Variants in ADGRB1 observed in about 807,000 individuals in gnomAD.
The protein encoded by ADGRB1 is brain-specific angiogenesis inhibitor 1.
Under a neutral mutation model 175.7 loss-of-function variants are expected in ADGRB1, and 36 were observed. The observed-to-expected ratio is 0.20, with a 90% confidence interval of 0.16 to 0.27. ADGRB1 has a LOEUF of 0.27. ADGRB1 is among the 10% of genes least tolerant of loss of function. The pLI, the probability that ADGRB1 is intolerant of heterozygous loss-of-function variation, is 1.00. For synonymous variants in ADGRB1, 1,054 were observed against 979.4 expected, an observed-to-expected ratio of 1.08 and a Z score of -1.42; for missense variants, 1,731 against 2,255.3, an observed-to-expected ratio of 0.77 and a Z score of 4.71.
Position 142,544,340 on chromosome 8 carries a change from A to G in ADGRB1, c.4678A>G (p.Ser1560Gly), listed in dbSNP as rs759266975. Residue 1560 changes from serine to glycine, a missense_variant, in exon 31 of 31, where the codon AGC becomes GGC. Around this residue, in one of 8 missense-constraint regions of ADGRB1, gnomAD observed 394 missense variants for 410.2 expected, o/e 0.96. Transcript: ENST00000517894. ...PLQPSPLELR[S>G]VEWERSGATI... ...GCAGCCGTCGCCGCTGGAGCTTCGC[A>G]GCGTGGAGTGGGAGAGGTCGGGCGC... is the stretch of plus-strand genomic sequence containing the variant. The G allele has an allele frequency of 4.0e-5, 62 of 1,547,598 alleles. No homozygotes were observed. The South Asian group carries it at 7.3e-4, about 18-fold the overall frequency.
chr8:142,505,794 C>T (rs745593110), intron 17 of ADGRB1, among the ~76,000 whole-genome samples: 2 of 152,122 alleles, frequency 1.3e-5, no homozygotes, highest in South Asian at 2.1e-4. Flanking sequence ...GGGCAAGGGG[C>T]GGCGGCCACA....
At chr8:142,498,329 A>G (rs1842323705) in intron 17 of ADGRB1, among the ~76,000 whole-genome samples, 1 of 152,148 alleles carries the variant, frequency 6.6e-6, no homozygotes, top group African/African-American at 2.4e-5. Context: ...TTGTTCAGGG[A>G]GTCTGAGTGT....
At chr8:142,518,056 G>A in intron 18 of ADGRB1, 82 bp from the exon 19 acceptor site, 1 of 1,350,784 alleles carries the variant, frequency 7.4e-7, no homozygotes, top group South Asian at 1.2e-5. Context: ...GGGGCTGCGG[G>A]CTCTCGGGTC....
In ADGRB1 at chr8:142,543,201, C is replaced by G. The variant is rs1262732789; in HGVS notation, c.4414-202C>G. 6.6e-6 allele frequency among the ~76,000 whole-genome samples: 1 copy of G among 152,182 alleles called. No individual in the cohort carries two copies. The highest frequency in any genetic ancestry group is 6.5e-5 in the Admixed American group (1 of 15,286). ...AGGCGAGCCGGACACCCCAGCCCAGCCTTGGTGCTGCTCGCTGGCACCCAG... is the reference window on the plus strand; with the variant it reads ...AGGCGAGCCGGACACCCCAGCCCAGGCTTGGTGCTGCTCGCTGGCACCCAG... On this transcript the variant is annotated intron_variant, in intron 28 of 30. Transcript: ENST00000517894. The surrounding 1 kb of genome is among the most constrained non-coding windows in gnomAD (Gnocchi z 4.4).
rs1301631859 is a variant in ADGRB1 at position 142,484,715 on chromosome 8, C to T, written c.2259C>T (p.Gly753=). Residue 753 remains glycine (G), a synonymous_variant, in exon 13 of 31, where the codon GGC becomes GGT. Coordinates refer to ENST00000517894, the MANE Select transcript of ADGRB1 (RefSeq NM_001702.3). The part of the protein sequence containing the change: ...RLVEDFVDVI[G]FRMKDLRDAY... ...TGGAGGACTTTGTGGACGTCATCGG[C>T]TTCCGCATGAAGGACCTGAGGGATG... 2 of 1,612,192 alleles carry T rather than the reference C, an allele frequency of 1.2e-6. No individual in the cohort carries two copies. The highest frequency in any genetic ancestry group is 4.5e-5 in the East Asian group (2 of 44,836).
intron 17 of ADGRB1, among the ~76,000 whole-genome samples, chr8:142,509,964 G>C (rs1299826495): frequency 6.6e-6 from 1 of 152,200 alleles, no homozygotes; most frequent in Non-Finnish European, 1.5e-5. Context: ...AGGAAGGCAG[G>C]CCCGGCTCCA....
chr8:142,516,239 G>GTGTGCGGGCCCCAGGTGCGTGCGTC (rs1263520149), intron 18 of ADGRB1, among the ~76,000 whole-genome samples: 15 of 146,902 alleles, frequency 1.0e-4, no homozygotes, highest in Non-Finnish European at 2.1e-4. Context: ...GTGTGTGTGC[G>GTGTGCGGGCCCCAGGTGCGTGCGTC]TGTGCGGGCC....
chr8:142,544,386 A>G lies in ADGRB1; in HGVS notation c.4724A>G (p.Gln1575Arg). 1 of 1,520,056 alleles carries G rather than the reference A, an allele frequency of 6.6e-7. No individual in the cohort carries two copies. The highest frequency in any genetic ancestry group is 8.8e-7 in the Non-Finnish European group (1 of 1,131,402). 94.2% of individuals were successfully genotyped at this position (1,520,056 alleles called of 1,614,324 possible). A position where few individuals can be genotyped will look rare whatever the true frequency, so the allele number is the denominator to read the frequency against. ...GGCGCCACGATCCCGCTGGTGGGCCAGGACATCATCGACCTCCAGACCGAG... is the reference window on the plus strand; with the variant it reads ...GGCGCCACGATCCCGCTGGTGGGCCGGGACATCATCGACCTCCAGACCGAG... ...RSGATIPLVGQDIIDLQTEV is the reference protein window; with the variant it reads ...RSGATIPLVGRDIIDLQTEV Residue 1575 changes from glutamine (Q) to arginine (R), a missense_variant, in exon 31 of 31, where the codon CAG becomes CGG. Gln to Arg is a conservative substitution (Grantham distance 43). Coordinates refer to ENST00000517894, the MANE Select transcript of ADGRB1 (RefSeq NM_001702.3).
chr8:142,476,895 C>T (rs570624237), intron 4 of ADGRB1, among the ~76,000 whole-genome samples, 200 bp downstream of exon 4: 162 of 152,320 alleles, frequency 1.1e-3, no homozygotes, highest in Non-Finnish European at 1.9e-3. Context: ...TGGCCAGACC[C>T]CAGAGGCCCA....
In ADGRB1 at chr8:142,542,758, T is replaced by A; in HGVS notation, c.4413+111T>A. 1 of 1,025,316 alleles carries A rather than the reference T, an allele frequency of 9.8e-7. No homozygotes were observed. 63.5% of individuals were successfully genotyped at this position (1,025,316 alleles called of 1,614,324 possible). On this transcript the variant is annotated intron_variant, in intron 28 of 30. Transcript: ENST00000517894. This position sits in a 1 kb window ranked among gnomAD's most constrained non-coding sequence, Gnocchi z 6.3. ...CGCCGTCAGCGGGGCGGGCTGGCTC[T>A]GCCTCCTAGCTACACCCCCCACCCC...
intron 13 of ADGRB1, among the ~76,000 whole-genome samples, chr8:142,487,714 G>A (rs1428807665): frequency 1.3e-5 from 2 of 152,110 alleles, no homozygotes; most frequent in South Asian, 2.1e-4. Flanking sequence ...CTGCTGCCTC[G>A]TCCCCACGTC....
At chr8:142,520,046 A>G in intron 19 of ADGRB1, among the ~76,000 whole-genome samples, 1 of 138,326 alleles carries the variant, frequency 7.2e-6, no homozygotes, top group Non-Finnish European at 1.5e-5. Context: ...GGTGGTAGTG[A>G]TTGTGATGGT....
intron 16 of ADGRB1, 50 bp from the exon 17 acceptor site, chr8:142,490,722 G>C (rs1351123468): frequency 1.3e-6 from 2 of 1,546,078 alleles, no homozygotes; most frequent in South Asian, 1.2e-5. Flanking sequence ...CCGAGGGTGG[G>C]GGCTGGTCCT....
chr8:142,453,134 G>A (rs916705062), intron 1 of ADGRB1, among the ~76,000 whole-genome samples: 1 of 148,452 alleles, frequency 6.7e-6, no homozygotes, highest in African/African-American at 2.5e-5. Context: ...GGCCCGGCCC[G>A]GTCCCCGTGT....
Position 142,510,016 on chromosome 8 carries a change from G to A in ADGRB1, c.2676-916G>A, listed in dbSNP as rs1842997190. On this transcript the variant is annotated intron_variant, in intron 17 of 30. Coordinates refer to ENST00000517894, the MANE Select transcript of ADGRB1 (RefSeq NM_001702.3). The surrounding 1 kb of genome is among the most constrained non-coding windows in gnomAD (Gnocchi z 6.3). The stretch of plus-strand genomic sequence containing the variant: ...GGAGGGACACGGTGGCTTCCGGACA[G>A]GAGGGCTGCCTTGAAGGGTGGGGGA... 6.6e-6 allele frequency among the ~76,000 whole-genome samples: 1 copy of A among 152,152 alleles called. No individual in the cohort carries two copies. Among genetic ancestry groups the A allele is most frequent in the African/African-American group, 2.4e-5 (1 of 41,432 alleles).
intron 17 of ADGRB1, among the ~76,000 whole-genome samples, chr8:142,508,077 C>A (rs1587371434): frequency 6.6e-6 from 1 of 152,216 alleles, no homozygotes; most frequent in East Asian, 1.9e-4. Context: ...GCTGCATGCC[C>A]CCTCCCACCC....
At chr8:142,522,848 C>A in intron 22 of ADGRB1, 138 bp downstream of exon 22, 1 of 1,031,480 alleles carries the variant, frequency 9.7e-7, no homozygotes, top group Non-Finnish European at 1.3e-6. Context: ...GAGGGTGGGG[C>A]CCCAGGGGCT....
At chr8:142,481,103 C>T (rs746083744) in intron 9 of ADGRB1, 151 bp from the exon 10 acceptor site, 32 of 676,368 alleles carry the variant, frequency 4.7e-5, no homozygotes, top group Non-Finnish European at 7.6e-5. Flanking sequence ...GAGGTCCCTG[C>T]GTGGACTCTG....
At chr8:142,475,442 G>A in intron 2 of ADGRB1, 32 bp from the exon 3 acceptor site, 1 of 1,278,344 alleles carries the variant, frequency 7.8e-7, no homozygotes, top group Admixed American at 3.3e-5. Flanking sequence ...CCCCTGCCCT[G>A]CCCTGATCCC....
Sources: gnomAD v4.1 joint callset for allele counts (sites outside exome capture counted in the v4.1 genomes callset) on GRCh38, gnomAD v4.1.1 for gene constraint, gnomAD v4.1.1 regional missense constraint, Gnocchi (gnomAD v3.1) non-coding constraint, MANE v1.5 for transcripts, NCBI Gene and HGNC (gene_info 2026-07-23, HGNC 2026-07-21) for gene names.